DHRS7B: variants seen among roughly 807,000 people sequenced by gnomAD.
DHRS7B encodes peroxisomal reductase activating PPAR-gamma.
A neutral mutation model predicts 26.4 loss-of-function variants in DHRS7B; 24 were observed. The ratio of observed to expected loss-of-function variants is 0.91; its 90% CI spans 0.66 to 1.28. The LOEUF is 1.28. Ranked by LOEUF, DHRS7B falls within the 50% of genes most tolerant of loss-of-function variation. The pLI, the probability that DHRS7B is intolerant of heterozygous loss-of-function variation, is 0.00. For synonymous variants in DHRS7B, 142 were observed against 166.4 expected, an observed-to-expected ratio of 0.85 and a Z score of 1.13; for missense variants, 368 against 419.4, an observed-to-expected ratio of 0.88 and a Z score of 1.07.
chr17:21,171,931 A>AT, intron 1 of DHRS7B, 87 bp from the exon 2 acceptor site: 9 of 1,521,164 alleles, frequency 5.9e-6, no homozygotes, highest in Non-Finnish European at 8.2e-6. Flanking sequence ...GAGATCTGGG[A>AT]TTCATATCAG....
rs552963842 is a variant in DHRS7B at position 21,133,799 on chromosome 17, G to T, written c.20+6808G>T. On this transcript the variant is annotated intron_variant, in intron 1 of 6. Coordinates refer to ENST00000395511, the MANE Select transcript of DHRS7B (RefSeq NM_015510.5). ...TCATGTCCTGTGAAGAGAAAATGGG[G>T]GGAGGAAGGGAGAAAAACAACAACA... 5.4e-4 allele frequency among the ~76,000 whole-genome samples: 82 copies of T among 152,194 alleles called. 1 individual carries two copies. Among genetic ancestry groups the T allele is most frequent in the Admixed American group, 2.2e-3 (33 of 15,264 alleles).
At chr17:21,181,925 C>T (rs1567629408) in intron 3 of DHRS7B, among the ~76,000 whole-genome samples, 1 of 152,136 alleles carries the variant, frequency 6.6e-6, no homozygotes, top group Non-Finnish European at 1.5e-5. Flanking sequence ...CAAATTGGGT[C>T]ACTTTTTTCT....
intron 1 of DHRS7B, among the ~76,000 whole-genome samples, chr17:21,137,032 G>T (rs1418461505): frequency 7.0e-6 from 1 of 142,960 alleles, no homozygotes; most frequent in South Asian, 2.2e-4. Flanking sequence ...GTGCGGTGGT[G>T]TAATCTCAGC....
At chr17:21,133,988 C>G (rs1168623715) in intron 1 of DHRS7B, among the ~76,000 whole-genome samples, 1 of 149,768 alleles carries the variant, frequency 6.7e-6, no homozygotes, top group Admixed American at 6.6e-5. Context: ...TAAGAAAGCA[C>G]AGCTTAGTTT....
intron 1 of DHRS7B, among the ~76,000 whole-genome samples, chr17:21,138,091 T>TAC (rs1207234984): frequency 0.014 from 755 of 53,360 alleles, 4 homozygotes; most frequent in South Asian, 0.025. Context: ...TATATATATA[T>TAC]ATATATATAT....
At chr17:21,146,337 G>A (rs1454115858) in intron 1 of DHRS7B, among the ~76,000 whole-genome samples, 2 of 152,180 alleles carry the variant, frequency 1.3e-5, no homozygotes, top group Non-Finnish European at 2.9e-5. Flanking sequence ...GGAGGTCAAG[G>A]CTGCAGTGAG....
At chr17:21,150,861 G>A (rs879745810) in intron 1 of DHRS7B, among the ~76,000 whole-genome samples, 2 of 152,144 alleles carry the variant, frequency 1.3e-5, no homozygotes, top group African/African-American at 2.4e-5. Flanking sequence ...AATCACAGCT[G>A]CAAAGTTTCT....
At chr17:21,188,970 ACTTTT>A in intron 6 of DHRS7B, 107 bp downstream of exon 6, 1 of 1,483,196 alleles carries the variant, frequency 6.7e-7, no homozygotes, top group Non-Finnish European at 9.2e-7. Flanking sequence ...TTGGAAGAGA[ACTTTT>A]AAAGTGAAAA....
intron 1 of DHRS7B, among the ~76,000 whole-genome samples, chr17:21,169,457 C>T (rs1974187596): frequency 6.6e-6 from 1 of 152,104 alleles, no homozygotes; most frequent in East Asian, 1.9e-4. Context: ...GGAGGGAGGT[C>T]CTCTCACAAC....
chr17:21,188,696 C>T lies in DHRS7B; in HGVS notation c.620-15C>T, dbSNP rs926653400. 2.6e-6 allele frequency: 4 copies of T among 1,562,980 alleles called. No individual in the cohort carries two copies. The highest frequency in any genetic ancestry group is 1.9e-5 in the Admixed American group (1 of 53,006). On this transcript the variant is annotated splice_polypyrimidine_tract_variant and intron_variant, in intron 5 of 6. Transcript: ENST00000395511. Reference sequence around the variant, plus strand: ...CAGCGCACTCAGTCACCTGCCTCTCCGTCCACATGTGTAGATGCAGCCTCC... The same window carrying T: ...CAGCGCACTCAGTCACCTGCCTCTCTGTCCACATGTGTAGATGCAGCCTCC...
At chr17:21,184,844 T>A in intron 5 of DHRS7B, among the ~76,000 whole-genome samples, 1 of 152,228 alleles carries the variant, frequency 6.6e-6, no homozygotes, top group East Asian at 1.9e-4. Context: ...AACCATGCCA[T>A]CACTTTGGGG....
chr17:21,134,121 G>A (rs1452494087), intron 1 of DHRS7B, among the ~76,000 whole-genome samples: 2 of 152,058 alleles, frequency 1.3e-5, no homozygotes, highest in Non-Finnish European at 2.9e-5. Context: ...AATAAAAATT[G>A]GAAAAACATT....
At chr17:21,175,926 CAAAA>C (rs60913350) in intron 2 of DHRS7B, among the ~76,000 whole-genome samples, 37 of 126,180 alleles carry the variant, frequency 2.9e-4, no homozygotes, top group Admixed American at 3.2e-4. Context: ...GACCCTGTAT[CAAAA>C]AAAAAAAAAA....
chr17:21,134,267 A>G (rs1973296779), intron 1 of DHRS7B, among the ~76,000 whole-genome samples: 1 of 152,218 alleles, frequency 6.6e-6, no homozygotes, highest in Admixed American at 6.5e-5. Context: ...AATTATTTGT[A>G]TACAGTGCAG....
intron 3 of DHRS7B, among the ~76,000 whole-genome samples, chr17:21,182,998 A>G (rs547894342): frequency 6.6e-6 from 1 of 152,222 alleles, no homozygotes; most frequent in Admixed American, 6.5e-5. Context: ...AGAATTCACC[A>G]GTGAAGCCAT....
At chr17:21,139,353 C>G (rs1192150862) in intron 1 of DHRS7B, among the ~76,000 whole-genome samples, 1 of 152,128 alleles carries the variant, frequency 6.6e-6, no homozygotes, top group Non-Finnish European at 1.5e-5. Flanking sequence ...TATTTTGACA[C>G]CTTAATGTAT....
chr17:21,143,154 C>T (rs752012036), intron 1 of DHRS7B, among the ~76,000 whole-genome samples: 3 of 152,186 alleles, frequency 2.0e-5, no homozygotes, highest in East Asian at 1.9e-4. Context: ...GTCTCGAACT[C>T]GACCTCAGGT....
intron 1 of DHRS7B, among the ~76,000 whole-genome samples, chr17:21,155,436 A>G (rs867667829): frequency 2.0e-5 from 3 of 152,318 alleles, no homozygotes; most frequent in Middle Eastern, 6.8e-3. Context: ...CAATAAGACA[A>G]TAATCTTTAA....
At chr17:21,158,116 T>TA (rs1034024707) in intron 1 of DHRS7B, among the ~76,000 whole-genome samples, 12 of 151,882 alleles carry the variant, frequency 7.9e-5, no homozygotes, top group African/African-American at 1.7e-4. Flanking sequence ...GATAAATACT[T>TA]AAAAAAAACT....
Sources: allele counts gnomAD v4.1 joint callset (sites outside exome capture counted in the v4.1 genomes callset), GRCh38; gene constraint gnomAD v4.1.1; transcripts MANE v1.5; gene names NCBI Gene and HGNC (gene_info 2026-07-23, HGNC 2026-07-21).